The following PCDHGA1 variants were observed in gnomAD, a reference collection of about 807,000 sequenced individuals.
PCDHGA1 encodes protocadherin gamma subfamily A, 1.
PCDHGA1 carries 32 observed loss-of-function variants against 58.0 expected under a neutral mutation model. That is an observed-to-expected ratio of 0.55 (90% CI 0.42 to 0.74). The LOEUF is 0.74. PCDHGA1 is among the 30% of genes least tolerant of loss of function. PCDHGA1 has a pLI of 0.00. For synonymous variants in PCDHGA1, 498 were observed against 501.1 expected, an observed-to-expected ratio of 0.99 and a Z score of 0.08; for missense variants, 1,205 against 1,182.3, an observed-to-expected ratio of 1.02 and a Z score of -0.28.
chr5:141,366,216 C>T, intron 1 of PCDHGA1: 1 of 1,613,804 alleles, frequency 6.2e-7, no homozygotes, highest in Non-Finnish European at 8.5e-7. Context: ...GTGCGCACAG[C>T]GCGAGCCCTG....
chr5:141,496,802 A>G (rs1483438160), intron 2 of PCDHGA1, among the ~76,000 whole-genome samples: 1 of 152,050 alleles, frequency 6.6e-6, no homozygotes, highest in Admixed American at 6.6e-5. Flanking sequence ...ACATTGGGCT[A>G]TAGGAGTGAA....
chr5:141,433,850 A>C (rs899643386), intron 1 of PCDHGA1, among the ~76,000 whole-genome samples: 2 of 151,896 alleles, frequency 1.3e-5, no homozygotes, highest in East Asian at 3.9e-4. Flanking sequence ...AAAAAAAAAA[A>C]AAAAACTTTA....
rs1233637152 is a variant in PCDHGA1 at position 141,432,543 on chromosome 5, A to G, written c.2422-62264A>G. ...CTGGTGACCAAGGTGGTGGCGGTGGACAGAGACTCCGGCCAGAACGCCTGG... is the reference window on the plus strand; with the variant it reads ...CTGGTGACCAAGGTGGTGGCGGTGGGCAGAGACTCCGGCCAGAACGCCTGG... On this transcript the variant is annotated intron_variant, in intron 1 of 3. Transcript: ENST00000517417. This position sits in a 1 kb window ranked among gnomAD's most constrained non-coding sequence, Gnocchi z 6.0. 3 of 1,613,678 alleles carry G rather than the reference A, an allele frequency of 1.9e-6. No individual in the cohort carries two copies. In the African/African-American group the frequency reaches 4.0e-5, roughly 22 times the overall value.
At position 141,374,995 on chromosome 5, in the gene PCDHGA1, T is replaced by C. The variant is rs551496415; in HGVS notation, c.2421+41890T>C. ...TTTTGACTGGAGAAATTTCAACTTC[T>C]GCAAATCTAGACTATGAGGACTCGA... On this transcript the variant is annotated intron_variant, in intron 1 of 3. Transcript: ENST00000517417. 4 of 1,613,956 alleles carry C rather than the reference T, an allele frequency of 2.5e-6. No individual in the cohort carries two copies. The Admixed American group carries it at 5.0e-5, about 20-fold the overall frequency.
intron 1 of PCDHGA1, chr5:141,414,983 G>C: frequency 6.2e-7 from 1 of 1,613,716 alleles, no homozygotes; most frequent in Non-Finnish European, 8.5e-7. Context: ...AGAGACTCCG[G>C]CCAGAACGCC....
In PCDHGA1 at chr5:141,334,539, A is replaced by C. The variant is rs1217648666; in HGVS notation, c.2421+1434A>C. ...GAGGATCCCTTGAGCCCAGGAAGTC[A>C]AGGCTTCAGCGAACCGTGATCGCGC... On this transcript the variant is annotated intron_variant, in intron 1 of 3. Coordinates refer to ENST00000517417, the MANE Select transcript of PCDHGA1 (RefSeq NM_018912.3). This position sits in a 1 kb window ranked among gnomAD's most constrained non-coding sequence, Gnocchi z 4.6. The C allele has an allele frequency of 6.6e-6, 1 of 152,328 alleles. No homozygotes were observed. The highest frequency in any genetic ancestry group is 1.5e-5 in the Non-Finnish European group (1 of 68,100). The allele number at this position is 152,328 out of a possible 1,614,324, so 9.4% of individuals were successfully genotyped here.
chr5:141,383,378 CAG>C (rs1561596110), intron 1 of PCDHGA1: 1 of 1,614,002 alleles, frequency 6.2e-7, no homozygotes, highest in Non-Finnish European at 8.5e-7. Flanking sequence ...GCTGGGGATC[CAG>C]ATGTGGGCAC....
chr5:141,430,615 A>G, intron 1 of PCDHGA1: 1 of 686,990 alleles, frequency 1.5e-6, no homozygotes, highest in Non-Finnish European at 2.2e-6. Context: ...CAAAGCAGAT[A>G]GCTAGGAATG....
At position 141,476,043 on chromosome 5, in the gene PCDHGA1, A is replaced by T. The variant is rs2099384502; in HGVS notation, c.2422-18764A>T. 1 of 1,492,156 alleles carries T rather than the reference A, an allele frequency of 6.7e-7. No individual in the cohort carries two copies. Among genetic ancestry groups the T allele is most frequent in the African/African-American group, 1.4e-5 (1 of 71,628 alleles). The allele number at this position is 1,492,156 out of a possible 1,614,324, so 92.4% of individuals were successfully genotyped here. On this transcript the variant is annotated intron_variant, in intron 1 of 3. Coordinates refer to ENST00000517417, the MANE Select transcript of PCDHGA1 (RefSeq NM_018912.3). The surrounding 1 kb of genome is among the most constrained non-coding windows in gnomAD (Gnocchi z 7.6). ...ACTCGGCGCCCAGCGCCCAAGCGCT[A>T]ACCCGCTGAAAGTTTCTCAGCGAAA...
chr5:141,384,601 C>G lies in PCDHGA1; in HGVS notation c.2421+51496C>G, dbSNP rs1780261198. On this transcript the variant is annotated intron_variant, in intron 1 of 3. Coordinates refer to ENST00000517417, the MANE Select transcript of PCDHGA1 (RefSeq NM_018912.3). The stretch of plus-strand genomic sequence containing the variant: ...GCCCGAGATCCTGTACCCGGCCCTC[C>G]CCACAGATGGTTCTACTGGCATGGA... The G allele has an allele frequency of 2.5e-6, 4 of 1,614,240 alleles. No homozygotes were observed. The East Asian group carries it at 8.9e-5, about 36-fold the overall frequency.
chr5:141,370,188 T>C, intron 1 of PCDHGA1: 1 of 511,926 alleles, frequency 2.0e-6, no homozygotes, highest in South Asian at 4.0e-5. Context: ...CGCTCTTGGC[T>C]AGTGCTGTGC....
intron 1 of PCDHGA1, chr5:141,365,296 G>A: frequency 1.2e-6 from 2 of 1,614,002 alleles, no homozygotes; most frequent in Non-Finnish European, 1.7e-6. Context: ...TGGTAGCTCA[G>A]GATGGAGGCG....
At chr5:141,422,849 C>G in intron 1 of PCDHGA1, 1 of 1,614,238 alleles carries the variant, frequency 6.2e-7, no homozygotes, top group East Asian at 2.2e-5. Flanking sequence ...AGCGGGGACC[C>G]GCCCCTCAGC....
chr5:141,502,615 A>G (rs2099815317), intron 2 of PCDHGA1, among the ~76,000 whole-genome samples: 1 of 152,218 alleles, frequency 6.6e-6, no homozygotes, highest in Non-Finnish European at 1.5e-5. Context: ...TTGTGAAAAT[A>G]TAAGTAATCT....
At chr5:141,392,945 C>T (rs1561639150) in intron 1 of PCDHGA1, 1 of 1,613,916 alleles carries the variant, frequency 6.2e-7, no homozygotes. Flanking sequence ...AAGGCTCCTT[C>T]GTGGGTAATA....
At chr5:141,384,236 A>T in intron 1 of PCDHGA1, 1 of 1,613,886 alleles carries the variant, frequency 6.2e-7, no homozygotes, top group Non-Finnish European at 8.5e-7. Context: ...GCAGACACCA[A>T]CGATAACCCA....
In PCDHGA1 at chr5:141,476,303, G is replaced by T. The variant is rs747567754; in HGVS notation, c.2422-18504G>T. ...TGGTTTGGATCTCGGTAGCCTCTCA[G>T]CCCGCAGGTTCCGGGTGGTGTCTGG... is the stretch of plus-strand genomic sequence containing the variant. On this transcript the variant is annotated intron_variant, in intron 1 of 3. Coordinates refer to ENST00000517417, the MANE Select transcript of PCDHGA1 (RefSeq NM_018912.3). The surrounding 1 kb of genome is among the most constrained non-coding windows in gnomAD (Gnocchi z 7.6). 6.2e-7 allele frequency: 1 copy of T among 1,613,872 alleles called. No individual in the cohort carries two copies. Among genetic ancestry groups the T allele is most frequent in the Admixed American group, 1.7e-5 (1 of 60,000 alleles).
chr5:141,473,033 GGAAA>G (rs1282468299), intron 1 of PCDHGA1, among the ~76,000 whole-genome samples: 6 of 146,356 alleles, frequency 4.1e-5, no homozygotes, highest in South Asian at 2.2e-4. Flanking sequence ...AAGGAAGGAA[GGAAA>G]GAAAGAAAGA....
chr5:141,389,737 G>A, intron 1 of PCDHGA1: 2 of 1,612,718 alleles, frequency 1.2e-6, no homozygotes, highest in Non-Finnish European at 1.7e-6. Flanking sequence ...TTCAGCCTGG[G>A]GCTGCGCACG....
Sources: gnomAD v4.1 joint callset for allele counts (sites outside exome capture counted in the v4.1 genomes callset) on GRCh38, gnomAD v4.1.1 for gene constraint, Gnocchi (gnomAD v3.1) non-coding constraint, MANE v1.5 for transcripts, NCBI Gene and HGNC (gene_info 2026-07-23, HGNC 2026-07-21) for gene names.